The following WDPCP variants were observed in gnomAD, a reference collection of about 807,000 sequenced individuals.
WDPCP encodes WD repeat-containing and planar cell polarity effector protein fritz homolog.
A neutral mutation model predicts 93.1 loss-of-function variants in WDPCP; 71 were observed. That is an observed-to-expected ratio of 0.76 (90% CI 0.63 to 0.93). The LOEUF (loss-of-function observed/expected upper bound fraction) is 0.93. Among genes scored for constraint, WDPCP ranks in the 40% least tolerant of loss-of-function variants. The pLI is 0.00. For synonymous variants in WDPCP, 315 were observed against 315.0 expected, an observed-to-expected ratio of 1.00 and a Z score of 0.00; for missense variants, 844 against 887.4, an observed-to-expected ratio of 0.95 and a Z score of 0.62.
intron 6 of WDPCP, among the ~76,000 whole-genome samples, chr2:63,456,561 CAG>C (rs974578720): frequency 1.5e-4 from 23 of 152,006 alleles, no homozygotes; most frequent in Non-Finnish European, 2.8e-4. Flanking sequence ...ATCAAAAAAA[CAG>C]AAAGATTTCA....
chr2:63,677,742 C>T (rs914823072), intron 2 of WDPCP, among the ~76,000 whole-genome samples: 2 of 152,100 alleles, frequency 1.3e-5, no homozygotes, highest in African/African-American at 4.8e-5. Flanking sequence ...AAAATAAGAG[C>T]ATTTTCAGAC....
intron 13 of WDPCP, among the ~76,000 whole-genome samples, chr2:63,283,498 C>G (rs1047086709): frequency 6.6e-6 from 1 of 152,184 alleles, no homozygotes; most frequent in Non-Finnish European, 1.5e-5. Context: ...TAGAACGTAG[C>G]CATACTTATT....
chr2:63,397,683 C>A (rs1232309460), intron 10 of WDPCP, among the ~76,000 whole-genome samples: 1 of 152,066 alleles, frequency 6.6e-6, no homozygotes, highest in Admixed American at 6.6e-5. Flanking sequence ...CCATCAAATG[C>A]TGAAAAGTCA....
intron 3 of WDPCP, chr2:63,599,045 A>G: frequency 1.3e-6 from 1 of 770,826 alleles, no homozygotes; most frequent in East Asian, 2.9e-5. Context: ...GCTATATTGT[A>G]TTTGGTGTTT....
At chr2:63,563,664 C>T (rs752058172) in intron 1 of WDPCP, among the ~76,000 whole-genome samples, 16 of 151,926 alleles carry the variant, frequency 1.1e-4, no homozygotes, top group Non-Finnish European at 2.2e-4. Flanking sequence ...AAGATAGGTT[C>T]TTAGGAGGCA....
At chr2:63,187,969 CAGTATTCTT>C (rs1674766508) in intron 14 of WDPCP, among the ~76,000 whole-genome samples, 1 of 152,106 alleles carries the variant, frequency 6.6e-6, no homozygotes, top group Non-Finnish European at 1.5e-5. Context: ...TTGCTGGATA[CAGTATTCTT>C]AGTTGATTTT....
chr2:63,639,940 A>G (rs915632404), intron 3 of WDPCP, among the ~76,000 whole-genome samples: 1 of 152,234 alleles, frequency 6.6e-6, no homozygotes, highest in Non-Finnish European at 1.5e-5. Context: ...CAACCTCCAT[A>G]TCACCCTGAA....
chr2:63,688,214 C>T (rs1161288216), intron 2 of WDPCP, among the ~76,000 whole-genome samples: 1 of 152,118 alleles, frequency 6.6e-6, no homozygotes, highest in Non-Finnish European at 1.5e-5. Flanking sequence ...ATCACGAGGT[C>T]AGGAGATCGA....
At chr2:63,498,668 T>A (rs1281932088) in intron 1 of WDPCP, among the ~76,000 whole-genome samples, 2 of 152,230 alleles carry the variant, frequency 1.3e-5, no homozygotes, top group Admixed American at 1.3e-4. Context: ...ATACCTGTAC[T>A]CTGCCCGGGT....
At chr2:63,783,982 C>T (rs930421373) in intron 2 of WDPCP, among the ~76,000 whole-genome samples, 1 of 152,180 alleles carries the variant, frequency 6.6e-6, no homozygotes, top group African/African-American at 2.4e-5. Context: ...ACCAAATCTC[C>T]AGCACCGTTT....
intron 3 of WDPCP, chr2:63,599,795 C>T (rs1558861560): frequency 1.3e-5 from 2 of 152,068 alleles, no homozygotes; most frequent in African/African-American, 4.8e-5. Flanking sequence ...TGTAAAATTT[C>T]CTCCTTTCAC....
chr2:63,767,437 C>T (rs1286985853), intron 2 of WDPCP, among the ~76,000 whole-genome samples: 7 of 152,206 alleles, frequency 4.6e-5, no homozygotes, highest in South Asian at 2.1e-4. Context: ...TCCAAAACAA[C>T]GATAACATTT....
intron 2 of WDPCP, among the ~76,000 whole-genome samples, chr2:63,488,198 T>C (rs1700678518): frequency 6.6e-6 from 1 of 152,074 alleles, no homozygotes; most frequent in African/African-American, 2.4e-5. Context: ...AAAATATTTC[T>C]TTCATTGAAG....
chr2:63,623,653 T>C (rs1012933309), intron 3 of WDPCP, among the ~76,000 whole-genome samples: 11 of 152,140 alleles, frequency 7.2e-5, no homozygotes, highest in Non-Finnish European at 1.5e-4. Context: ...TAAATATACA[T>C]GAACCCAATA....
chr2:63,417,114 T>G (rs1036477767), intron 9 of WDPCP, among the ~76,000 whole-genome samples: 4 of 152,138 alleles, frequency 2.6e-5, no homozygotes, highest in African/African-American at 9.7e-5. Context: ...ACTGAGTAAA[T>G]AGCGGCTATT....
chr2:63,730,460 GTCT>G lies in WDPCP; in HGVS notation n.309-79625_309-79623del, dbSNP rs748459081. Among the ~76,000 whole-genome samples the G allele has an allele frequency of 1.5e-3, 235 of 152,246 alleles. 1 individual carries two copies. Among genetic ancestry groups the G allele is most frequent in the Non-Finnish European group, 2.8e-3 (193 of 68,002 alleles). ...ATGACTGAAGTTCTCTAGTAATACTGTCTTCTTCTTTTGTTTTTTTTGAGACGG... is the reference window on the plus strand; with the variant it reads ...ATGACTGAAGTTCTCTAGTAATACTGTCTTCTTTTGTTTTTTTTGAGACGG... On this transcript the variant is annotated intron_variant and non_coding_transcript_variant, in intron 2 of 4. Coordinates refer to the WDPCP transcript ENST00000467687.
At chr2:63,416,199 C>T (rs1234392985) in intron 9 of WDPCP, among the ~76,000 whole-genome samples, 3 of 149,648 alleles carry the variant, frequency 2.0e-5, no homozygotes, top group Non-Finnish European at 4.5e-5. Context: ...TCTTTTTTTT[C>T]CTTTTTTTTT....
intron 3 of WDPCP, chr2:63,604,763 C>T (rs780239437): frequency 5.0e-6 from 8 of 1,614,074 alleles, no homozygotes; most frequent in Non-Finnish European, 6.8e-6. Context: ...AACCATTCCT[C>T]GACTCAGTAT....
chr2:63,479,495 G>A (rs1308739562), intron 6 of WDPCP, among the ~76,000 whole-genome samples: 19 of 152,096 alleles, frequency 1.2e-4, no homozygotes, highest in Admixed American at 1.2e-3. Context: ...CCATGAGCAA[G>A]TGGGTTTCAT....
Sources: allele counts gnomAD v4.1 joint callset (sites outside exome capture counted in the v4.1 genomes callset), GRCh38; gene constraint gnomAD v4.1.1; transcripts MANE v1.5; gene names NCBI Gene and HGNC (gene_info 2026-07-23, HGNC 2026-07-21).